The following TMEM164 variants were observed in gnomAD, a reference collection of about 807,000 sequenced individuals.
TMEM164 encodes the protein RP13-360B22.2.
Under a neutral mutation model 18.8 loss-of-function variants are expected in TMEM164, and 4 were observed. The observed-to-expected ratio is 0.21, with a 90% CI of 0.10 to 0.49. The LOEUF (loss-of-function observed/expected upper bound fraction) is 0.49. TMEM164 is among the 20% of genes least tolerant of loss of function. TMEM164 has a pLI of 0.98. For missense variants in TMEM164, 108 were observed against 239.9 expected (o/e 0.45, Z 3.63); for synonymous variants, 86 against 101.7 (o/e 0.85, Z 0.93).
At chrX:110,025,089 G>A (rs1602492192) in intron 2 of TMEM164, among the ~76,000 whole-genome samples, 1 of 110,201 alleles carries the variant, frequency 9.1e-6, no homozygotes, top group East Asian at 2.8e-4. Flanking sequence ...CATCAGGGAA[G>A]GCTCTGAGGG....
chrX:110,067,364 C>T lies in TMEM164; in HGVS notation c.408C>T (p.Cys136=), dbSNP rs1325421018. The T allele has an allele frequency of 6.6e-6, 8 of 1,209,695 alleles. No individual in the cohort carries two copies. Among genetic ancestry groups the T allele is most frequent in the Non-Finnish European group, 8.9e-6 (8 of 894,870 alleles). The stretch of plus-strand genomic sequence containing the variant: ...AATTGCAGATCTTTCTCCTGGCCTG[C>T]CCTCCATGTCGGGGAGCTATCGTCG... ...VTMMHIFLLA[C]PPCRGAIVVF... The change falls in exon 3 of 7, where the codon TGC becomes TGT. Residue 136 remains cysteine (C), a synonymous_variant. Transcript: ENST00000372068.
At chrX:110,144,710 T>A (rs1034706071) in intron 4 of TMEM164, 88 bp from the exon 5 acceptor site, 3 of 675,544 alleles carry the variant, frequency 4.4e-6, no homozygotes, top group African/African-American at 2.2e-5. Flanking sequence ...GAAATATGGG[T>A]CCTGAACAGC....
At chrX:110,038,142 C>A (rs954167557) in intron 2 of TMEM164, among the ~76,000 whole-genome samples, 1 of 108,586 alleles carries the variant, frequency 9.2e-6, no homozygotes, top group Non-Finnish European at 1.9e-5. Context: ...AGGCGCCCGC[C>A]ACTACGCCCG....
intron 2 of TMEM164, among the ~76,000 whole-genome samples, chrX:110,005,253 C>T (rs899743175): frequency 8.9e-6 from 1 of 112,010 alleles, no homozygotes; most frequent in African/African-American, 3.3e-5. Context: ...ATTATTATCT[C>T]CATTTTACAG....
rs1555984532 is a variant in TMEM164 at position 110,017,405 on chromosome X, C to CCTTTCTTTCTTTCTTTCTTTCTTT, written c.390+13260_390+13283dup. 4.4e-3 allele frequency among the ~76,000 whole-genome samples: 68 copies of CCTTTCTTTCTTTCTTTCTTTCTTT among 15,288 alleles called. 4 individuals carry two copies. The highest frequency in any genetic ancestry group is 7.4e-3 in the African/African-American group (66 of 8,977). 13.3% of individuals were successfully genotyped at this position (15,288 alleles called of 115,157 possible). On this transcript the variant is annotated intron_variant, in intron 2 of 6. Coordinates refer to ENST00000372068, the MANE Select transcript of TMEM164 (RefSeq NM_032227.4). ...TCTCCTGGCTGCAGGCCACCTCCTT[C>CCTTTCTTTCTTTCTTTCTTTCTTT]CTTTCTTTCTTTCTTTCTTTCTTTC...
chrX:110,021,975 T>G (rs1347754268), intron 2 of TMEM164, among the ~76,000 whole-genome samples: 1 of 111,395 alleles, frequency 9.0e-6, no homozygotes, highest in Non-Finnish European at 1.9e-5. Context: ...GTCAGAGTCC[T>G]CAACCCTGGC....
chrX:110,038,127 A>T (rs1244961806), intron 2 of TMEM164, among the ~76,000 whole-genome samples: 1 of 106,236 alleles, frequency 9.4e-6, no homozygotes, highest in African/African-American at 3.5e-5. Flanking sequence ...AGTAGCTGGG[A>T]CTACAGGCGC....
Position 110,158,355 on chromosome X carries a change from G to A in TMEM164, c.587-13065G>A, listed in dbSNP as rs151302228. Among the ~76,000 whole-genome samples, 111 of 112,032 alleles carry A rather than the reference G, an allele frequency of 9.9e-4. 1 individual carries two copies. The highest frequency in any genetic ancestry group is 3.4e-3 in the Admixed American group (36 of 10,598). On this transcript the variant is annotated intron_variant, in intron 5 of 6. Coordinates refer to ENST00000372068, the MANE Select transcript of TMEM164 (RefSeq NM_032227.4). ...GGGGTTCAGCAGCCTAAGTGGAGGTGCAGGACATCTGGCTGGAGGGATCCG... is the reference window on the plus strand; with the variant it reads ...GGGGTTCAGCAGCCTAAGTGGAGGTACAGGACATCTGGCTGGAGGGATCCG...
At chrX:110,020,968 TAAAAAAAA>T (rs147367236) in intron 2 of TMEM164, among the ~76,000 whole-genome samples, 1 of 43,637 alleles carries the variant, frequency 2.3e-5, no homozygotes, top group African/African-American at 1.0e-4. Context: ...CCCCTTTTTC[TAAAAAAAA>T]AAAAAAAAAA....
intron 5 of TMEM164, among the ~76,000 whole-genome samples, chrX:110,161,301 GC>G (rs1424088455): frequency 1.8e-5 from 2 of 111,820 alleles, no homozygotes; most frequent in African/African-American, 6.5e-5. Flanking sequence ...TGAGCCCATT[GC>G]CCCTCCCATC....
chrX:110,055,630 C>T (rs1002862110), intron 2 of TMEM164, among the ~76,000 whole-genome samples: 1 of 111,476 alleles, frequency 9.0e-6, no homozygotes, highest in African/African-American at 3.3e-5. Flanking sequence ...TACGTACCTT[C>T]GTTCTTTCAG....
intron 5 of TMEM164, among the ~76,000 whole-genome samples, chrX:110,154,530 G>A (rs1354678632): frequency 1.8e-5 from 2 of 110,951 alleles, no homozygotes; most frequent in South Asian, 3.9e-4. Flanking sequence ...ATCAATTCTC[G>A]CACCTCAGCC....
intron 4 of TMEM164, among the ~76,000 whole-genome samples, chrX:110,142,219 T>A (rs775040429): frequency 2.4e-4 from 27 of 111,813 alleles, no homozygotes; most frequent in Non-Finnish European, 3.6e-4. Flanking sequence ...AAGATGAGGA[T>A]CATTTGAACA....
In TMEM164 at chrX:110,144,851, A is replaced by G. The variant is rs2066829304; in HGVS notation, c.561A>G (p.Val187=). 1 of 1,205,157 alleles carries G rather than the reference A, an allele frequency of 8.3e-7. No individual in the cohort carries two copies. The highest frequency in any genetic ancestry group is 1.8e-5 in the African/African-American group (1 of 56,944). ...TTCAGCATGTTATGCTCTACGTGGT[A>G]CCCATCTACCTGCTTTGGAAAGGAG... ...YYIQHVMLYV[V]PIYLLWKGGA... Residue 187 remains valine, a synonymous_variant, in exon 5 of 7, where the codon GTA becomes GTG. Coordinates refer to ENST00000372068, the MANE Select transcript of TMEM164 (RefSeq NM_032227.4).
chrX:110,145,611 G>A (rs1225871533), intron 5 of TMEM164, among the ~76,000 whole-genome samples: 3 of 111,886 alleles, frequency 2.7e-5, no homozygotes, highest in Non-Finnish European at 5.6e-5. Flanking sequence ...TCCTCTTTTA[G>A]TTTTAGCCCC....
chrX:110,160,191 C>A (rs1468346333), intron 5 of TMEM164, among the ~76,000 whole-genome samples: 2 of 112,050 alleles, frequency 1.8e-5, no homozygotes, highest in East Asian at 5.6e-4. Flanking sequence ...CAAATAGGAT[C>A]TTAAGGGGTT....
intron 3 of TMEM164, among the ~76,000 whole-genome samples, chrX:110,077,318 C>T (rs2065686880): frequency 8.9e-6 from 1 of 111,873 alleles, no homozygotes; most frequent in Admixed American, 9.5e-5. Flanking sequence ...AGATTTCTCT[C>T]TATCCCATTA....
intron 3 of TMEM164, among the ~76,000 whole-genome samples, chrX:110,077,807 A>C (rs1343512343): frequency 8.9e-6 from 1 of 112,102 alleles, no homozygotes; most frequent in Admixed American, 9.5e-5. Flanking sequence ...GCTTGAAAGG[A>C]TTCTGCTGAG....
Position 110,042,028 on chromosome X carries a change from TATAAC to T in TMEM164, c.391-25315_391-25311del, listed in dbSNP as rs1376600916. On this transcript the variant is annotated intron_variant, in intron 2 of 6. Transcript: ENST00000372068. ...TAAAAAAATTAGTTAAATATATACA[TATAAC>T]ATACAAAATTTGCCATTTTAAGCAT... 4.5e-5 allele frequency among the ~76,000 whole-genome samples: 5 copies of T among 112,010 alleles called. No homozygotes were observed. The East Asian group carries it at 8.3e-4, about 19-fold the overall frequency.
Sources: gnomAD v4.1 joint callset for allele counts (sites outside exome capture counted in the v4.1 genomes callset) on GRCh38, gnomAD v4.1.1 for gene constraint, MANE v1.5 for transcripts, NCBI Gene and HGNC (gene_info 2026-07-23, HGNC 2026-07-21) for gene names.